DOCK1: variants seen among roughly 807,000 people sequenced by gnomAD.
The protein encoded by DOCK1 is dedicator of cytokinesis 1.
In DOCK1, 138 loss-of-function variants were observed where a neutral mutation model predicts 262.7. That is an observed-to-expected ratio of 0.53 (90% CI 0.46 to 0.61). The LOEUF (loss-of-function observed/expected upper bound fraction) is 0.61, where lower values mean the gene tolerates loss of function less well. Among genes scored for constraint, DOCK1 ranks in the 20% least tolerant of loss-of-function variants. The pLI is 0.00. For synonymous variants in DOCK1, 866 were observed against 867.4 expected (o/e 1.00, Z 0.03); for missense variants, 1,908 against 2,370.7 (o/e 0.80, Z 4.05).
intron 1 of DOCK1, among the ~76,000 whole-genome samples, chr10:126,921,444 G>A (rs957530117): frequency 6.6e-6 from 1 of 152,124 alleles, no homozygotes; most frequent in African/African-American, 2.4e-5. Context: ...GTCACAGAGG[G>A]ACATACATGA....
chr10:127,110,250 A>C lies in DOCK1; in HGVS notation c.2519A>C (p.Lys840Thr). 2 of 1,612,282 alleles carry C rather than the reference A, an allele frequency of 1.2e-6. No homozygotes were observed. The highest frequency in any genetic ancestry group is 8.5e-7 in the Non-Finnish European group (1 of 1,179,194). The change falls in exon 25 of 52, where the codon AAA becomes ACA. Residue 840 changes from lysine to threonine, a missense_variant and splice_region_variant. By Grantham distance (78) the Lys-to-Thr change is moderately conservative. This residue lies in a region of DOCK1 where 518 missense variants were observed against 575.1 expected (regional missense o/e 0.90). Coordinates refer to ENST00000623213, the MANE Select transcript of DOCK1 (RefSeq NM_001290223.2). ...KLVFDPKELS[K>T]MFTEFILNVP... ...TTCCCTTGTGTTTTTCCTCACAGCA[A>C]AATGTTTACTGAATTCATCCTCAAT...
chr10:127,104,360 C>T (rs1407449902), intron 23 of DOCK1, among the ~76,000 whole-genome samples: 2 of 152,188 alleles, frequency 1.3e-5, no homozygotes, highest in African/African-American at 2.4e-5. Flanking sequence ...CAAACTCACA[C>T]GTATTTTCTT....
At chr10:127,270,095 G>A (rs959901677) in intron 29 of DOCK1, among the ~76,000 whole-genome samples, 20 of 152,132 alleles carry the variant, frequency 1.3e-4, no homozygotes, top group Non-Finnish European at 2.1e-4. Flanking sequence ...GCTCCCCAGC[G>A]CCTCCTCCGA....
chr10:127,116,559 CTTA>C (rs1317866880), intron 25 of DOCK1, among the ~76,000 whole-genome samples: 1 of 152,090 alleles, frequency 6.6e-6, no homozygotes, highest in African/African-American at 2.4e-5. Flanking sequence ...TATTAATAAA[CTTA>C]TTATGCCTTA....
intron 2 of DOCK1, among the ~76,000 whole-genome samples, chr10:126,973,741 T>G (rs1175673744): frequency 6.6e-6 from 1 of 152,196 alleles, no homozygotes; most frequent in Non-Finnish European, 1.5e-5. Context: ...AAGAGAATAA[T>G]GTACTTCCAT....
Position 126,996,814 on chromosome 10 carries a change from C to A in DOCK1, c.540C>A (p.Ser180Arg). Residue 180 changes from serine to arginine, a missense_variant, in exon 7 of 52, where the codon AGC (serine) becomes AGA (arginine). This residue lies in a region of DOCK1 where 227 missense variants were observed against 254.1 expected (regional missense o/e 0.89). Transcript: ENST00000623213. ...ATATTTTGGATCCAGAATTAACTAG[C>A]ACGATTAGTCTCTTCAGAGCTCATG... ...DGNILDPELTSTISLFRAHEI... is the reference protein window; with the variant it reads ...DGNILDPELTRTISLFRAHEI... 6.2e-7 allele frequency: 1 copy of A among 1,612,618 alleles called. No homozygotes were observed. The highest frequency in any genetic ancestry group is 8.5e-7 in the Non-Finnish European group (1 of 1,179,418).
At chr10:127,321,141 AC>A (rs1156285622) in intron 29 of DOCK1, among the ~76,000 whole-genome samples, 1 of 151,454 alleles carries the variant, frequency 6.6e-6, no homozygotes, top group Non-Finnish European at 1.5e-5. Context: ...AGCTTCCATG[AC>A]CCCGCGTCTT....
chr10:127,196,043 G>C (rs576342688), intron 27 of DOCK1: 31 of 152,214 alleles, frequency 2.0e-4, no homozygotes, highest in African/African-American at 7.0e-4. Flanking sequence ...CGCCTGGCTC[G>C]GGCATGTCTC....
At chr10:127,039,604 C>T (rs1280436635) in intron 19 of DOCK1, among the ~76,000 whole-genome samples, 3 of 152,178 alleles carry the variant, frequency 2.0e-5, no homozygotes, top group Non-Finnish European at 2.9e-5. Flanking sequence ...TTTTTCTCTG[C>T]TGGCGTGTCT....
At chr10:126,931,296 G>A (rs1440291052) in intron 1 of DOCK1, among the ~76,000 whole-genome samples, 1 of 152,078 alleles carries the variant, frequency 6.6e-6, no homozygotes, top group Non-Finnish European at 1.5e-5. Context: ...AAATTAAAAT[G>A]AATACCATTC....
At chr10:127,210,185 T>C (rs1167068519) in intron 27 of DOCK1, among the ~76,000 whole-genome samples, 2 of 152,396 alleles carry the variant, frequency 1.3e-5, no homozygotes, top group African/African-American at 2.4e-5. Context: ...TTGGTGGTTA[T>C]TGGCCCATTA....
intron 16 of DOCK1, among the ~76,000 whole-genome samples, chr10:127,029,455 C>T (rs1222493032): frequency 1.3e-5 from 2 of 152,214 alleles, no homozygotes; most frequent in East Asian, 3.9e-4. Context: ...AATACCTTTC[C>T]AGCAACCTGT....
At chr10:126,990,220 G>C (rs144215460) in intron 5 of DOCK1, among the ~76,000 whole-genome samples, 2 of 152,216 alleles carry the variant, frequency 1.3e-5, no homozygotes, top group Non-Finnish European at 2.9e-5. Flanking sequence ...GTTGGATGAA[G>C]TCTTGGGGAT....
At chr10:127,018,991 G>C in intron 13 of DOCK1, 156 bp downstream of exon 13, 1 of 1,162,980 alleles carries the variant, frequency 8.6e-7, no homozygotes, top group South Asian at 1.6e-5. Context: ...ATGGATCATG[G>C]GGCTGTGACC....
rs1387945406 is a variant in DOCK1 at position 127,177,781 on chromosome 10, G to A, written c.2847+50017G>A. Among the ~76,000 whole-genome samples, 6 of 152,384 alleles carry A rather than the reference G, an allele frequency of 3.9e-5. No individual in the cohort carries two copies. In the East Asian group the frequency reaches 1.2e-3, roughly 29 times the overall value. On this transcript the variant is annotated intron_variant, in intron 27 of 51. Transcript: ENST00000623213. ...GCATGGCCACTGCTTCTGGAGTGAGGTGGTTCGAGTGCCAGATGCTCTGCT... is the reference window on the plus strand; with the variant it reads ...GCATGGCCACTGCTTCTGGAGTGAGATGGTTCGAGTGCCAGATGCTCTGCT...
In DOCK1 at chr10:127,036,003, A is replaced by AAAATAAATAAAT. The variant is rs3070212; in HGVS notation, c.1913-1684_1913-1673dup. 7.8e-3 allele frequency among the ~76,000 whole-genome samples: 1,090 copies of AAAATAAATAAAT among 139,090 alleles called. 10 individuals carry two copies. Among genetic ancestry groups the AAAATAAATAAAT allele is most frequent in the East Asian group, 0.025 (113 of 4,530 alleles). The allele number at this position is 139,090 out of a possible 152,430, so 91.2% of individuals were successfully genotyped here. ...TATGACAGAGTGAGACCCTGTCTCA[A>AAAATAAATAAAT]AAATAAATAAATAAATAAATAAATA... is the stretch of plus-strand genomic sequence containing the variant. On this transcript the variant is annotated intron_variant, in intron 18 of 51. Coordinates refer to ENST00000623213, the MANE Select transcript of DOCK1 (RefSeq NM_001290223.2).
At chr10:127,193,732 T>C (rs2056907760) in intron 27 of DOCK1, among the ~76,000 whole-genome samples, 2 of 152,188 alleles carry the variant, frequency 1.3e-5, no homozygotes, top group African/African-American at 4.8e-5. Flanking sequence ...GTCTTTCTCT[T>C]ATTTATTGAT....
intron 25 of DOCK1, among the ~76,000 whole-genome samples, chr10:127,110,774 A>G (rs1179446241): frequency 1.3e-5 from 2 of 152,230 alleles, no homozygotes; most frequent in Non-Finnish European, 1.5e-5. Flanking sequence ...ATTTCTTCAA[A>G]TCCTACTCAA....
chr10:127,370,776 G>A lies in DOCK1; in HGVS notation c.3433-3005G>A, dbSNP rs996974059. On this transcript the variant is annotated intron_variant, in intron 33 of 51. Coordinates refer to ENST00000623213, the MANE Select transcript of DOCK1 (RefSeq NM_001290223.2). ...CACGTCAATTTAACAGCAACTTTCCGAAAGGCCTTCTATTCATAAGTGTTC... is the reference window on the plus strand; with the variant it reads ...CACGTCAATTTAACAGCAACTTTCCAAAAGGCCTTCTATTCATAAGTGTTC... Among the ~76,000 whole-genome samples the A allele has an allele frequency of 3.3e-5, 5 of 152,282 alleles. No individual in the cohort carries two copies. In the East Asian group the frequency reaches 7.7e-4, roughly 24 times the overall value.
Sources: gnomAD v4.1 joint callset for allele counts (sites outside exome capture counted in the v4.1 genomes callset) on GRCh38, gnomAD v4.1.1 for gene constraint, gnomAD v4.1.1 regional missense constraint, MANE v1.5 for transcripts, NCBI Gene and HGNC (gene_info 2026-07-23, HGNC 2026-07-21) for gene names.